The following KALRN variants were observed in gnomAD, a reference collection of about 807,000 sequenced individuals.
KALRN encodes kalirin RhoGEF kinase.
In KALRN, 70 loss-of-function variants were observed where a neutral mutation model predicts 353.7. That is an observed-to-expected ratio of 0.20 (90% CI 0.16 to 0.24). The LOEUF (loss-of-function observed/expected upper bound fraction) is 0.24. Ranked by LOEUF, KALRN falls within the 10% of genes least tolerant of loss-of-function variation. KALRN has a pLI of 1.00. For missense variants in KALRN, 2,791 were observed against 3,756.7 expected (o/e 0.74, Z 6.72); for synonymous variants, 1,391 against 1,434.8 (o/e 0.97, Z 0.69).
At chr3:124,307,791 G>T (rs2077851552) in intron 6 of KALRN, among the ~76,000 whole-genome samples, 1 of 151,854 alleles carries the variant, frequency 6.6e-6, no homozygotes, top group South Asian at 2.1e-4. Flanking sequence ...AAATGTGAAA[G>T]GATTCAATAA....
intron 9 of KALRN, among the ~76,000 whole-genome samples, chr3:124,342,130 A>T (rs977889004): frequency 6.6e-6 from 1 of 150,900 alleles, no homozygotes; most frequent in Admixed American, 6.6e-5. Context: ...GGTTAATTTC[A>T]TTTAAGTCTG....
chr3:124,257,668 G>A (rs777317072), intron 3 of KALRN, among the ~76,000 whole-genome samples: 1 of 152,174 alleles, frequency 6.6e-6, no homozygotes, highest in African/African-American at 2.4e-5. Flanking sequence ...GGCCAAGGGG[G>A]CCTCAGGGGA....
At chr3:124,360,280 C>T (rs1441885070) in intron 10 of KALRN, among the ~76,000 whole-genome samples, 2 of 152,142 alleles carry the variant, frequency 1.3e-5, no homozygotes, top group Non-Finnish European at 2.9e-5. Context: ...CAGGGGAAGG[C>T]TGGGTTGGCT....
intron 37 of KALRN, among the ~76,000 whole-genome samples, chr3:124,648,682 A>G (rs1026264511): frequency 1.3e-5 from 2 of 152,222 alleles, no homozygotes; most frequent in Non-Finnish European, 2.9e-5. Flanking sequence ...CAGGCTGCAG[A>G]ACAAAGGCTG....
chr3:124,568,536 A>G (rs72962825), intron 34 of KALRN, among the ~76,000 whole-genome samples: 90 of 152,336 alleles, frequency 5.9e-4, no homozygotes, highest in African/African-American at 2.1e-3. Flanking sequence ...CAAGGACACA[A>G]GCAGAAATTT....
intron 1 of KALRN, among the ~76,000 whole-genome samples, chr3:124,154,880 C>G (rs1279472689): frequency 6.6e-6 from 1 of 152,212 alleles, no homozygotes; most frequent in South Asian, 2.1e-4. Flanking sequence ...GCTACAGTAA[C>G]CAAAACAGCA....
chr3:124,598,633 TTTTG>T (rs761896274), intron 34 of KALRN, among the ~76,000 whole-genome samples: 13 of 151,014 alleles, frequency 8.6e-5, no homozygotes, highest in East Asian at 1.9e-4. Flanking sequence ...TTCACACACG[TTTTG>T]TTTGTTTTTT....
chr3:124,633,046 T>C (rs1363074677), intron 35 of KALRN, among the ~76,000 whole-genome samples: 1 of 152,178 alleles, frequency 6.6e-6, no homozygotes, highest in Non-Finnish European at 1.5e-5. Flanking sequence ...GAATGAAGAT[T>C]GTTTCATTTT....
At chr3:124,192,332 A>C (rs1451381589) in intron 1 of KALRN, among the ~76,000 whole-genome samples, 1 of 152,148 alleles carries the variant, frequency 6.6e-6, no homozygotes, top group Non-Finnish European at 1.5e-5. Context: ...AAAACAATTA[A>C]ACTCATGAAC....
At chr3:124,313,660 G>T (rs1361158924) in intron 6 of KALRN, among the ~76,000 whole-genome samples, 1 of 152,164 alleles carries the variant, frequency 6.6e-6, no homozygotes, top group Non-Finnish European at 1.5e-5. Flanking sequence ...CTGCCCGCTG[G>T]AGTCACCTGG....
intron 28 of KALRN, among the ~76,000 whole-genome samples, chr3:124,485,261 A>C (rs2062431554): frequency 6.6e-6 from 1 of 152,250 alleles, no homozygotes; most frequent in South Asian, 2.1e-4. Context: ...AAAGAAAGAC[A>C]AACCAATGCT....
At chr3:124,605,891 C>T (rs1382711068) in intron 34 of KALRN, among the ~76,000 whole-genome samples, 1 of 152,292 alleles carries the variant, frequency 6.6e-6, no homozygotes, top group Non-Finnish European at 1.5e-5. Flanking sequence ...CCTTCCATTA[C>T]ACGAGTGAAA....
At chr3:124,403,871 G>C (rs1388452965) in intron 13 of KALRN, among the ~76,000 whole-genome samples, 1 of 152,160 alleles carries the variant, frequency 6.6e-6, no homozygotes, top group East Asian at 1.9e-4. Flanking sequence ...TTCTATGATA[G>C]AGGCTCCTAG....
intron 11 of KALRN, among the ~76,000 whole-genome samples, chr3:124,391,948 A>T (rs893327933): frequency 1.3e-5 from 2 of 152,216 alleles, no homozygotes; most frequent in Non-Finnish European, 2.9e-5. Context: ...ACCAAATTCA[A>T]TGTTGATCTT....
intron 1 of KALRN, among the ~76,000 whole-genome samples, chr3:124,129,038 A>C (rs1474599970): frequency 6.6e-6 from 1 of 152,038 alleles, no homozygotes; most frequent in Admixed American, 6.6e-5. Flanking sequence ...TGAATTGTGA[A>C]ATTGAGGGCA....
intron 1 of KALRN, among the ~76,000 whole-genome samples, chr3:124,092,028 G>A (rs2061149063): frequency 6.6e-6 from 1 of 152,204 alleles, no homozygotes; most frequent in Non-Finnish European, 1.5e-5. Flanking sequence ...AGCCTGATGG[G>A]TTGAAGCCAA....
intron 1 of KALRN, among the ~76,000 whole-genome samples, chr3:124,166,717 G>A (rs2070910414): frequency 6.6e-6 from 1 of 152,146 alleles, no homozygotes; most frequent in Admixed American, 6.6e-5. Flanking sequence ...GAGCCAATGT[G>A]AGAGGAAACA....
rs755948854 is a variant in KALRN at position 124,699,996 on chromosome 3, C to T, written c.7959C>T (p.Pro2653=). The T allele has an allele frequency of 1.2e-6, 2 of 1,613,982 alleles. No individual in the cohort carries two copies. The highest frequency in any genetic ancestry group is 2.7e-5 in the African/African-American group (2 of 74,896). The part of the protein sequence containing the change: ...SASNPWGISL[P]SEPSEFVRLP... ...GTAACCCCTGGGGAATCAGCCTTCCCAGCGAGCCCTCGGAGTTTGTGCGAC... is the reference window on the plus strand; with the variant it reads ...GTAACCCCTGGGGAATCAGCCTTCCTAGCGAGCCCTCGGAGTTTGTGCGAC... The change falls in exon 56 of 60, where the codon CCC becomes CCT. Residue 2653 remains proline (P), a synonymous_variant. Coordinates refer to ENST00000682506, the MANE Select transcript of KALRN (RefSeq NM_001388419.1).
chr3:124,700,676 A>G (rs2062278657), intron 56 of KALRN, among the ~76,000 whole-genome samples: 1 of 152,166 alleles, frequency 6.6e-6, no homozygotes, highest in South Asian at 2.1e-4. Context: ...AAATCTCCAA[A>G]TGGTGAGATT....
Sources: gnomAD v4.1 joint callset for allele counts (sites outside exome capture counted in the v4.1 genomes callset) on GRCh38, gnomAD v4.1.1 for gene constraint, MANE v1.5 for transcripts, NCBI Gene and HGNC (gene_info 2026-07-23, HGNC 2026-07-21) for gene names.